CAMK4: variants seen among roughly 807,000 people sequenced by gnomAD.
CAMK4 encodes calcium/calmodulin dependent protein kinase IV.
In CAMK4, 22 loss-of-function variants were observed where a neutral mutation model predicts 44.9. That is an observed-to-expected ratio of 0.49 (90% confidence interval 0.35 to 0.70). The LOEUF is 0.70. Among genes scored for constraint, CAMK4 ranks in the 30% least tolerant of loss-of-function variants. The pLI, the probability that CAMK4 is intolerant of heterozygous loss-of-function variation, is 0.01. For missense variants in CAMK4, 498 were observed against 586.8 expected (o/e 0.85, Z 1.56); for synonymous variants, 218 against 215.4 (o/e 1.01, Z -0.11).
At chr5:111,429,583 G>C (rs1364614524) in intron 5 of CAMK4, among the ~76,000 whole-genome samples, 2 of 151,568 alleles carry the variant, frequency 1.3e-5, no homozygotes, top group East Asian at 3.9e-4. Flanking sequence ...GATCAGCATG[G>C]GCAACATGGC....
chr5:111,312,554 A>C (rs1224630811), intron 1 of CAMK4, among the ~76,000 whole-genome samples: 1 of 152,164 alleles, frequency 6.6e-6, no homozygotes, highest in South Asian at 2.1e-4. Flanking sequence ...CAGCAGACTC[A>C]GTCAGTGTAT....
At chr5:111,435,605 G>T (rs1468835863) in intron 5 of CAMK4, among the ~76,000 whole-genome samples, 1 of 152,168 alleles carries the variant, frequency 6.6e-6, no homozygotes, top group East Asian at 1.9e-4. Flanking sequence ...TGGCCAGAGT[G>T]TGCAGACTCA....
chr5:111,459,134 T>A (rs975549339), intron 7 of CAMK4, among the ~76,000 whole-genome samples: 1 of 151,892 alleles, frequency 6.6e-6, no homozygotes, highest in African/African-American at 2.4e-5. Flanking sequence ...CTATCAGGCA[T>A]CCCCAAGGCA....
At chr5:111,375,008 C>G (rs1224164032) in intron 3 of CAMK4, 96 bp downstream of exon 3, 7 of 775,020 alleles carry the variant, frequency 9.0e-6, no homozygotes, top group Non-Finnish European at 1.6e-5. Flanking sequence ...AGAAGGGATT[C>G]TCCCACCACT....
intron 1 of CAMK4, among the ~76,000 whole-genome samples, chr5:111,310,368 C>T (rs980567367): frequency 1.3e-5 from 2 of 152,160 alleles, no homozygotes; most frequent in Admixed American, 6.5e-5. Context: ...TGTGCTACAT[C>T]GTGAGTAAGA....
intron 4 of CAMK4, among the ~76,000 whole-genome samples, chr5:111,381,597 T>C (rs1329422013): frequency 1.3e-5 from 2 of 152,132 alleles, no homozygotes; most frequent in Non-Finnish European, 2.9e-5. Flanking sequence ...GGTCTGCATC[T>C]CCCAGTTCAT....
chr5:111,274,487 AC>A (rs1442340546), intron 1 of CAMK4, among the ~76,000 whole-genome samples: 8 of 152,270 alleles, frequency 5.3e-5, no homozygotes, highest in Admixed American at 3.3e-4. Flanking sequence ...AGTTTGTTAA[AC>A]CATTTTCTTT....
intron 1 of CAMK4, among the ~76,000 whole-genome samples, chr5:111,277,971 C>T (rs569283234): frequency 6.6e-6 from 1 of 152,198 alleles, no homozygotes; most frequent in African/African-American, 2.4e-5. Flanking sequence ...TTAAAAATTT[C>T]AGGATGCAGT....
chr5:111,315,064 T>C (rs1748363455), intron 1 of CAMK4, among the ~76,000 whole-genome samples: 1 of 152,172 alleles, frequency 6.6e-6, no homozygotes, highest in South Asian at 2.1e-4. Context: ...GTAAACAAAT[T>C]GTTACCTTGC....
chr5:111,357,781 T>A (rs1354269418), intron 2 of CAMK4, among the ~76,000 whole-genome samples: 1 of 152,106 alleles, frequency 6.6e-6, no homozygotes, highest in African/African-American at 2.4e-5. Context: ...CTAATAAGAA[T>A]GGAACCCACA....
At position 111,425,524 on chromosome 5, in the gene CAMK4, A is replaced by G. The variant is rs1008790843; in HGVS notation, c.460-21162A>G. On this transcript the variant is annotated intron_variant, in intron 5 of 10. Transcript: ENST00000282356. Reference sequence around the variant, plus strand: ...GAATTAAGTCTAGCCACAAATAGAAAGACTAAGAGCACATAGTTTGGCAGG... The same window carrying G: ...GAATTAAGTCTAGCCACAAATAGAAGGACTAAGAGCACATAGTTTGGCAGG... Among the ~76,000 whole-genome samples the G allele has an allele frequency of 3.9e-5, 6 of 152,226 alleles. No individual in the cohort carries two copies. The East Asian group carries it at 1.2e-3, about 29-fold the overall frequency.
intron 7 of CAMK4, among the ~76,000 whole-genome samples, chr5:111,451,995 T>G (rs191776135): frequency 6.6e-6 from 1 of 152,390 alleles, no homozygotes; most frequent in Non-Finnish European, 1.5e-5. Context: ...TCTTGTACTC[T>G]TCTATGTCTC....
intron 1 of CAMK4, among the ~76,000 whole-genome samples, chr5:111,328,717 G>A (rs1749015832): frequency 6.6e-6 from 1 of 151,932 alleles, no homozygotes; most frequent in Non-Finnish European, 1.5e-5. Flanking sequence ...TCCTTGAAGA[G>A]GTCCTTCACA....
At chr5:111,271,088 C>T (rs576508439) in intron 1 of CAMK4, among the ~76,000 whole-genome samples, 1 of 152,240 alleles carries the variant, frequency 6.6e-6, no homozygotes, top group African/African-American at 2.4e-5. Context: ...GAAACCACCT[C>T]CATGATCCAA....
At chr5:111,394,370 A>T (rs1260145160) in intron 4 of CAMK4, among the ~76,000 whole-genome samples, 3 of 152,206 alleles carry the variant, frequency 2.0e-5, no homozygotes, top group African/African-American at 4.8e-5. Flanking sequence ...GAATTTACAG[A>T]TAAAGCTATG....
chr5:111,251,321 A>G (rs559219449), intron 1 of CAMK4, among the ~76,000 whole-genome samples: 1 of 152,334 alleles, frequency 6.6e-6, no homozygotes, highest in Non-Finnish European at 1.5e-5. Context: ...TTCATTTCAG[A>G]GGAAGAGATT....
intron 6 of CAMK4, among the ~76,000 whole-genome samples, chr5:111,447,304 A>T (rs531580444): frequency 2.0e-5 from 3 of 152,192 alleles, no homozygotes; most frequent in Non-Finnish European, 4.4e-5. Context: ...GTAGATGAGG[A>T]TGGGAGTGAT....
intron 5 of CAMK4, among the ~76,000 whole-genome samples, chr5:111,432,432 C>G (rs991431091): frequency 6.6e-6 from 1 of 151,592 alleles, no homozygotes; most frequent in African/African-American, 2.4e-5. Context: ...TGAATAAGGC[C>G]TACTATTTGA....
At chr5:111,353,211 G>A (rs755100501) in intron 2 of CAMK4, among the ~76,000 whole-genome samples, 2 of 151,946 alleles carry the variant, frequency 1.3e-5, no homozygotes, top group Non-Finnish European at 2.9e-5. Flanking sequence ...AAAATGTGTT[G>A]CATGCAAAAA....
Sources: allele counts gnomAD v4.1 joint callset (sites outside exome capture counted in the v4.1 genomes callset), GRCh38; gene constraint gnomAD v4.1.1; transcripts MANE v1.5; gene names NCBI Gene and HGNC (gene_info 2026-07-23, HGNC 2026-07-21).